The following RAB3IP variants were observed in gnomAD, a reference collection of about 807,000 sequenced individuals.
RAB3IP encodes the protein RAB3A interacting protein, also known as rab-3A-interacting protein.
In RAB3IP, 36 loss-of-function variants were observed where a neutral mutation model predicts 59.1. The observed-to-expected ratio is 0.61, with a 90% CI of 0.47 to 0.80. The LOEUF (loss-of-function observed/expected upper bound fraction) is 0.80. RAB3IP is among the 30% of genes least tolerant of loss of function. The probability of loss-of-function intolerance (pLI) is 0.00; values close to 1 mark genes in which losing one functional copy is unlikely to be tolerated. For synonymous variants in RAB3IP, 207 were observed against 191.2 expected (o/e 1.08, Z -0.68); for missense variants, 511 against 536.0 (o/e 0.95, Z 0.46).
rs1213752059 is a variant in RAB3IP at position 69,823,052 on chromosome 12, A to G, written c.*7606A>G. On this transcript the variant is annotated 3_prime_UTR_variant, in exon 11 of 11. Transcript: ENST00000247833. ...GTTGTTGAATGTTTCCAACATAAAG[A>G]AATGATAAGTGTTTGAGATGATGGA... 1 of 152,202 alleles carries G rather than the reference A, an allele frequency of 6.6e-6. No homozygotes were observed. Among genetic ancestry groups the G allele is most frequent in the African/African-American group, 2.4e-5 (1 of 41,450 alleles). The allele number at this position is 152,202 out of a possible 1,614,324, so 9.4% of individuals were successfully genotyped here.
At chr12:69,740,778 A>G (rs189178947) in intron 1 of RAB3IP, among the ~76,000 whole-genome samples, 2 of 152,344 alleles carry the variant, frequency 1.3e-5, no homozygotes, top group African/African-American at 4.8e-5. Context: ...TAAAATGGAA[A>G]GGTTCTTAGA....
chr12:69,790,383 A>C (rs1326716084), intron 4 of RAB3IP, among the ~76,000 whole-genome samples: 4 of 152,182 alleles, frequency 2.6e-5, no homozygotes, highest in Non-Finnish European at 5.9e-5. Context: ...TATACTGAAA[A>C]TTATAATACA....
intron 4 of RAB3IP, among the ~76,000 whole-genome samples, chr12:69,791,367 C>CA (rs1476595939): frequency 2.0e-5 from 3 of 151,934 alleles, no homozygotes; most frequent in Non-Finnish European, 4.4e-5. Context: ...TTCTGCCCAG[C>CA]AAAAAACAGT....
rs537972043 is a variant in RAB3IP, at chr12:69,791,719, G to A, written c.607-2718G>A. 4.6e-5 allele frequency among the ~76,000 whole-genome samples: 7 copies of A among 152,292 alleles called. No individual in the cohort carries two copies. In the East Asian group the frequency reaches 9.6e-4, roughly 21 times the overall value. The stretch of plus-strand genomic sequence containing the variant: ...GAACTTGTCCACTATTGGTGGGAAT[G>A]TAAATTGGTACAGCCATTATGGAAA... On this transcript the variant is annotated intron_variant, in intron 4 of 10. Coordinates refer to ENST00000247833, the MANE Select transcript of RAB3IP (RefSeq NM_022456.5).
intron 4 of RAB3IP, among the ~76,000 whole-genome samples, chr12:69,792,356 A>T (rs1218666526): frequency 6.6e-6 from 1 of 152,170 alleles, no homozygotes; most frequent in Admixed American, 6.5e-5. Context: ...AAACAAAATG[A>T]TATGTATATT....
intron 8 of RAB3IP, among the ~76,000 whole-genome samples, chr12:69,808,001 C>CT (rs1879755314): frequency 6.6e-6 from 1 of 152,236 alleles, no homozygotes; most frequent in African/African-American, 2.4e-5. Context: ...AATTTTAGAT[C>CT]TTTCCTGCTT....
chr12:69,758,345 C>T (rs1265189733), intron 3 of RAB3IP, among the ~76,000 whole-genome samples: 1 of 151,932 alleles, frequency 6.6e-6, no homozygotes, highest in Admixed American at 6.6e-5. Context: ...TTAAATTTAC[C>T]ATCTTACTGT....
At chr12:69,771,107 A>G (rs982948162) in intron 3 of RAB3IP, among the ~76,000 whole-genome samples, 14 of 152,148 alleles carry the variant, frequency 9.2e-5, no homozygotes, top group African/African-American at 2.9e-4. Flanking sequence ...ATCATGCAAT[A>G]TTTGTCCTTC....
intron 10 of RAB3IP, among the ~76,000 whole-genome samples, chr12:69,813,993 T>G (rs572265758): frequency 2.1e-4 from 32 of 152,292 alleles, no homozygotes; most frequent in East Asian, 1.9e-3. Flanking sequence ...ACATTAGAGA[T>G]AAAACCTGTT....
intron 1 of RAB3IP, among the ~76,000 whole-genome samples, chr12:69,747,207 A>G (rs1868437219): frequency 6.6e-6 from 1 of 152,060 alleles, no homozygotes; most frequent in African/African-American, 2.4e-5. Flanking sequence ...GCCAGTCTTA[A>G]TTGGTAAGTG....
intron 8 of RAB3IP, among the ~76,000 whole-genome samples, chr12:69,804,269 ATG>A (rs1393635568): frequency 1.3e-5 from 2 of 152,086 alleles, no homozygotes; most frequent in African/African-American, 4.8e-5. Context: ...GCATTTTTTC[ATG>A]TGTGTTTTGG....
intron 4 of RAB3IP, among the ~76,000 whole-genome samples, chr12:69,790,094 G>T (rs1040298509): frequency 6.6e-6 from 1 of 152,100 alleles, no homozygotes; most frequent in Non-Finnish European, 1.5e-5. Context: ...TCAAGAAAAA[G>T]AAAAGGCAAC....
chr12:69,822,717 A>G lies in RAB3IP; in HGVS notation c.*7271A>G, dbSNP rs988176576. On this transcript the variant is annotated 3_prime_UTR_variant, in exon 11 of 11. Transcript: ENST00000247833. ...ATGATAAATGTTTGAGGTGATGGAT[A>G]CCCCAATTACCCTGATTTGATCATT... 1.1e-4 allele frequency: 16 copies of G among 152,154 alleles called. No homozygotes were observed. The highest frequency in any genetic ancestry group is 8.5e-4 in the Admixed American group (13 of 15,270). The allele number at this position is 152,154 out of a possible 1,614,324, so 9.4% of individuals were successfully genotyped here.
chr12:69,757,551 A>C (rs1197087744), intron 3 of RAB3IP, among the ~76,000 whole-genome samples: 3 of 152,220 alleles, frequency 2.0e-5, no homozygotes, highest in Admixed American at 1.3e-4. Context: ...AACTGCATAT[A>C]TAAACCTGAC....
At chr12:69,767,019 C>A (rs1004534908) in intron 3 of RAB3IP, among the ~76,000 whole-genome samples, 1 of 152,234 alleles carries the variant, frequency 6.6e-6, no homozygotes, top group Non-Finnish European at 1.5e-5. Context: ...AGAGCTAGTG[C>A]TATCCCTTGG....
rs1462279217 is a variant in RAB3IP at position 69,808,353 on chromosome 12, A to G, written c.1131-4425A>G. The stretch of plus-strand genomic sequence containing the variant: ...GAATAGGTGTGGTGTGGTGCTGAAA[A>G]GAATGTATATTCTGTTGATTTGGGG... On this transcript the variant is annotated intron_variant, in intron 8 of 10. Transcript: ENST00000247833. 1.1e-4 allele frequency among the ~76,000 whole-genome samples: 16 copies of G among 152,242 alleles called. No homozygotes were observed. The East Asian group carries it at 3.1e-3, about 29-fold the overall frequency.
At position 69,755,545 on chromosome 12, in the gene RAB3IP, C is replaced by T. The variant is rs1330804102; in HGVS notation, c.137C>T (p.Ser46Leu). 2 of 1,614,120 alleles carry T rather than the reference C, an allele frequency of 1.2e-6. No homozygotes were observed. Among genetic ancestry groups the T allele is most frequent in the Non-Finnish European group, 1.7e-6 (2 of 1,180,020 alleles). ...AGTGTCATCTACCGGCCACACCCTT[C>T]AGCTTTATCCTCTGTACCTATCCAG... ...SPSVIYRPHP[S>L]ALSSVPIQAN... The change falls in exon 2 of 11, where the codon TCA (serine) becomes TTA (leucine). Residue 46 changes from serine to leucine, a missense_variant. Physicochemically the swap from Ser to Leu is moderately radical, Grantham distance 145 (BLOSUM62 -2). Transcript: ENST00000247833.
intron 8 of RAB3IP, among the ~76,000 whole-genome samples, chr12:69,809,342 T>C (rs1348829064): frequency 1.3e-5 from 2 of 152,204 alleles, no homozygotes; most frequent in Non-Finnish European, 2.9e-5. Context: ...ATTTTTTCCT[T>C]TATTTCAACT....
intron 8 of RAB3IP, among the ~76,000 whole-genome samples, chr12:69,806,561 G>A (rs922816824): frequency 9.9e-6 from 1 of 101,418 alleles, no homozygotes; most frequent in African/African-American, 3.9e-5. Context: ...GTTTGCTCTT[G>A]CTTCTCTAGT....
Sources: allele counts gnomAD v4.1 joint callset (sites outside exome capture counted in the v4.1 genomes callset), GRCh38; gene constraint gnomAD v4.1.1; transcripts MANE v1.5; gene names NCBI Gene and HGNC (gene_info 2026-07-23, HGNC 2026-07-21).